CLEC19A: variants seen among roughly 807,000 people sequenced by gnomAD.
CLEC19A encodes the protein C-type lectin domain containing 19A.
In CLEC19A, 21 loss-of-function variants were observed where a neutral mutation model predicts 26.1. That is an observed-to-expected ratio of 0.80 (90% CI 0.57 to 1.16). The LOEUF (loss-of-function observed/expected upper bound fraction) is 1.16. Ranked by LOEUF, CLEC19A falls within the 50% of genes most tolerant of loss-of-function variation. The pLI is 0.00. For missense variants in CLEC19A, 224 were observed against 227.6 expected (o/e 0.98, Z 0.10); for synonymous variants, 89 against 88.6 (o/e 1.00, Z -0.03).
At chr16:19,304,459 T>A in intron 3 of CLEC19A, 1 of 238,952 alleles carries the variant, frequency 4.2e-6, no homozygotes. Context: ...TCCCAGCACT[T>A]TGGGAGGCTG....
intron 1 of CLEC19A, among the ~76,000 whole-genome samples, 193 bp downstream of exon 1, chr16:19,286,132 T>C (rs1003572320): frequency 2.0e-5 from 3 of 152,194 alleles, no homozygotes; most frequent in Non-Finnish European, 2.9e-5. Flanking sequence ...TGGGTTTGAA[T>C]CCCAGTTTTG....
At chr16:19,303,886 T>A (rs994309032) in intron 2 of CLEC19A, 176 bp from the exon 3 acceptor site, 2 of 558,204 alleles carry the variant, frequency 3.6e-6, no homozygotes, top group Non-Finnish European at 6.4e-6. Flanking sequence ...AATCCAGAGA[T>A]GCCCATGTAG....
intron 1 of CLEC19A, among the ~76,000 whole-genome samples, chr16:19,286,932 G>A (rs1280843907): frequency 6.6e-6 from 1 of 151,484 alleles, no homozygotes; most frequent in Admixed American, 6.6e-5. Context: ...ATTTCTTAGT[G>A]TAAGCATGCC....
At chr16:19,299,072 A>G (rs1029944545) in intron 2 of CLEC19A, among the ~76,000 whole-genome samples, 6 of 152,308 alleles carry the variant, frequency 3.9e-5, no homozygotes, top group East Asian at 1.9e-4. Flanking sequence ...TGCCTGGCCA[A>G]TTGAAGCTAC....
intron 3 of CLEC19A, among the ~76,000 whole-genome samples, chr16:19,307,282 T>G (rs890327521): frequency 1.3e-5 from 2 of 152,206 alleles, no homozygotes; most frequent in Admixed American, 6.5e-5. Flanking sequence ...TGACGCCTGC[T>G]TTTCAGAATG....
In CLEC19A at chr16:19,309,004, C is replaced by T. The variant is rs1898011953; in HGVS notation, c.482C>T (p.Ala161Val). The T allele has an allele frequency of 8.4e-6, 13 of 1,548,166 alleles. No homozygotes were observed. The South Asian group carries it at 1.5e-4, about 18-fold the overall frequency. Residue 161 changes from alanine (A) to valine (V), a missense_variant and splice_region_variant, in exon 5 of 5, where the codon GCT becomes GTT. Transcript: ENST00000636231. ...CVQIWYRPTS[A>V]LRSWNDNTCS... is the part of the protein sequence containing the mutation. ...GATTCTCTGCTTCTTTCCATCACAG[C>T]TCTGAGGTCATGGAATGATAACACC...
chr16:19,305,541 T>C (rs1002529435), intron 3 of CLEC19A, among the ~76,000 whole-genome samples: 1 of 152,202 alleles, frequency 6.6e-6, no homozygotes, highest in Non-Finnish European at 1.5e-5. Context: ...CTTGCCTTGC[T>C]CAGGGCACTA....
rs756851567 is a variant in CLEC19A at position 19,304,137 on chromosome 16, C to A, written c.330C>A (p.Gly110=). The A allele has an allele frequency of 6.4e-7, 1 of 1,550,596 alleles. No individual in the cohort carries two copies. The highest frequency in any genetic ancestry group is 2.4e-5 in the East Asian group (1 of 40,912). Residue 110 remains glycine (G), a synonymous_variant, in exon 3 of 5, where the codon GGC becomes GGA. Transcript: ENST00000636231. ...GCATCCCAGCTGACGTCTGGACAGG[C>A]CTTCATGATCACAGACAGGTGAGAA... ...VPGIPADVWT[G]LHDHRQEGQF...
At chr16:19,304,396 T>TAAAAAAAA (rs35007845) in intron 3 of CLEC19A, 1 of 193,918 alleles carries the variant, frequency 5.2e-6, no homozygotes. Flanking sequence ...TGGGTTCTCT[T>TAAAAAAAA]AAAAAAAAAA....
chr16:19,288,867 G>A (rs1192288440), intron 1 of CLEC19A, among the ~76,000 whole-genome samples: 5 of 152,184 alleles, frequency 3.3e-5, no homozygotes, highest in Admixed American at 6.5e-5. Context: ...CTTCAGAAGC[G>A]TAGAAGGGGA....
chr16:19,302,625 A>G (rs1316036647), intron 2 of CLEC19A, among the ~76,000 whole-genome samples: 1 of 152,212 alleles, frequency 6.6e-6, no homozygotes, highest in Non-Finnish European at 1.5e-5. Context: ...GGAAGCCAAT[A>G]GTGGGAATCA....
intron 2 of CLEC19A, among the ~76,000 whole-genome samples, chr16:19,301,795 A>G (rs1339503642): frequency 8.3e-6 from 1 of 120,934 alleles, no homozygotes; most frequent in Non-Finnish European, 1.6e-5. Flanking sequence ...GTTTCACCAT[A>G]TTGGCCAGGA....
intron 2 of CLEC19A, among the ~76,000 whole-genome samples, chr16:19,301,986 GTTA>G (rs531861136): frequency 3.3e-5 from 5 of 151,768 alleles, no homozygotes; most frequent in African/African-American, 9.7e-5. Context: ...AGCAGTAGGA[GTTA>G]TTATTATTAT....
chr16:19,304,143 T>G lies in CLEC19A; in HGVS notation c.336T>G (p.His112Gln). 1 of 1,550,606 alleles carries G rather than the reference T, an allele frequency of 6.4e-7. No individual in the cohort carries two copies. The highest frequency in any genetic ancestry group is 2.0e-5 in the Admixed American group (1 of 50,996). ...GIPADVWTGLHDHRQEGQFEW... is the reference protein window; with the variant it reads ...GIPADVWTGLQDHRQEGQFEW... ...CAGCTGACGTCTGGACAGGCCTTCA[T>G]GATCACAGACAGGTGAGAAAGCAGT... Residue 112 changes from histidine to glutamine, a missense_variant, in exon 3 of 5, where the codon CAT (histidine) becomes CAG (glutamine). Coordinates refer to ENST00000636231, the MANE Select transcript of CLEC19A (RefSeq NM_001256720.2).
At chr16:19,289,306 A>G (rs972067473) in intron 1 of CLEC19A, among the ~76,000 whole-genome samples, 3 of 152,218 alleles carry the variant, frequency 2.0e-5, no homozygotes, top group African/African-American at 7.2e-5. Flanking sequence ...TGCCATGTGC[A>G]TGTTCCTCCT....
At chr16:19,299,097 A>G (rs1897764480) in intron 2 of CLEC19A, among the ~76,000 whole-genome samples, 1 of 152,152 alleles carries the variant, frequency 6.6e-6, no homozygotes, top group Non-Finnish European at 1.5e-5. Flanking sequence ...TATCCAACCC[A>G]ATTTCTCATT....
At position 19,309,198 on chromosome 16, in the gene CLEC19A, C is replaced by A. The variant is rs1898017740; in HGVS notation, c.*115C>A. The stretch of plus-strand genomic sequence containing the variant: ...ATACATAGGAAGTAAATCTCTTGGA[C>A]AGAGATTTTAAACAAGCAGATCTTA... On this transcript the variant is annotated 3_prime_UTR_variant, in exon 5 of 5. Transcript: ENST00000636231. 2 of 778,924 alleles carry A rather than the reference C, an allele frequency of 2.6e-6. No individual in the cohort carries two copies. Among genetic ancestry groups the A allele is most frequent in the Admixed American group, 2.6e-5 (1 of 38,884 alleles). 48.3% of individuals were successfully genotyped at this position (778,924 alleles called of 1,614,324 possible).
intron 2 of CLEC19A, 91 bp from the exon 3 acceptor site, chr16:19,303,971 G>C: frequency 9.3e-7 from 1 of 1,073,598 alleles, no homozygotes; most frequent in African/African-American, 1.6e-5. Context: ...CTTTGGTCCA[G>C]GAAGGTAAAT....
At position 19,310,284 on chromosome 16, in the gene CLEC19A, C is replaced by T. The variant is rs977757583; in HGVS notation, c.*1201C>T. 6 of 151,780 alleles carry T rather than the reference C, an allele frequency of 4.0e-5. No homozygotes were observed. Among genetic ancestry groups the T allele is most frequent in the African/African-American group, 1.5e-4 (6 of 41,308 alleles). The allele number at this position is 151,780 out of a possible 1,614,324, so 9.4% of individuals were successfully genotyped here. On this transcript the variant is annotated 3_prime_UTR_variant, in exon 5 of 5. Coordinates refer to ENST00000636231, the MANE Select transcript of CLEC19A (RefSeq NM_001256720.2). ...AGGAGTTGAAGATCAGCCTGGGCAA[C>T]ATAGTAAGACCCCATCTCCATAAGA...
Sources: allele counts gnomAD v4.1 joint callset (sites outside exome capture counted in the v4.1 genomes callset), GRCh38; gene constraint gnomAD v4.1.1; transcripts MANE v1.5; gene names NCBI Gene and HGNC (gene_info 2026-07-23, HGNC 2026-07-21).